Variants in AKT3 observed in about 807,000 individuals in gnomAD.
AKT3 encodes RAC-gamma serine/threonine-protein kinase.
A neutral mutation model predicts 65.3 loss-of-function variants in AKT3; 15 were observed. That is an observed-to-expected ratio of 0.23 (90% CI 0.15 to 0.35). AKT3 has a LOEUF of 0.35. AKT3 is among the 10% of genes least tolerant of loss of function. The pLI is 1.00. For missense variants in AKT3, 243 were observed against 576.5 expected, an observed-to-expected ratio of 0.42 and a Z score of 5.92; for synonymous variants, 206 against 183.8, an observed-to-expected ratio of 1.12 and a Z score of -0.98.
intron 13 of AKT3, among the ~76,000 whole-genome samples, chr1:243,508,423 G>A (rs1038172666): frequency 6.6e-6 from 1 of 152,176 alleles, no homozygotes; most frequent in Non-Finnish European, 1.5e-5. Flanking sequence ...CAGATGCGTC[G>A]ATGCTAGTCT....
At chr1:243,643,650 C>G (rs183319659) in intron 5 of AKT3, among the ~76,000 whole-genome samples, 1 of 152,328 alleles carries the variant, frequency 6.6e-6, no homozygotes, top group Admixed American at 6.5e-5. Context: ...AGAGCAGACA[C>G]TGTGGCGATA....
intron 3 of AKT3, among the ~76,000 whole-genome samples, chr1:243,694,550 C>T (rs1684935284): frequency 6.6e-6 from 1 of 151,206 alleles, no homozygotes; most frequent in African/African-American, 2.4e-5. Flanking sequence ...AGTTAGTATC[C>T]ATATCGTTCA....
intron 2 of AKT3, among the ~76,000 whole-genome samples, chr1:243,768,781 G>T (rs1689986710): frequency 1.4e-5 from 2 of 147,280 alleles, no homozygotes; most frequent in Admixed American, 1.4e-4. Context: ...GTTGCAGTGA[G>T]CAAAGATCAC....
chr1:243,536,261 G>A (rs1300861694), intron 12 of AKT3, among the ~76,000 whole-genome samples: 4 of 151,984 alleles, frequency 2.6e-5, no homozygotes, highest in African/African-American at 7.3e-5. Context: ...TGTTTTTACT[G>A]TATTTGCTTT....
At chr1:243,776,569 A>G (rs956376116) in intron 2 of AKT3, among the ~76,000 whole-genome samples, 2 of 152,214 alleles carry the variant, frequency 1.3e-5, no homozygotes, top group African/African-American at 4.8e-5. Context: ...TCAAACATCC[A>G]GCCTCCAGAA....
intron 2 of AKT3, among the ~76,000 whole-genome samples, chr1:243,838,080 G>A (rs1174368775): frequency 6.6e-6 from 1 of 152,148 alleles, no homozygotes; most frequent in African/African-American, 2.4e-5. Flanking sequence ...GAGCAAGTGT[G>A]TGTGTAACAG....
chr1:243,835,075 T>C lies in AKT3; in HGVS notation c.46+8050A>G, dbSNP rs760717804. ...GACTGTAATAAATTAAGAATGAATATTGTAATCTCAAGAATAGAGTTCCTC... is the reference window on the plus strand; with the variant it reads ...GACTGTAATAAATTAAGAATGAATACTGTAATCTCAAGAATAGAGTTCCTC... On this transcript the variant is annotated intron_variant, in intron 2 of 13. Coordinates refer to ENST00000673466, the MANE Select transcript of AKT3 (RefSeq NM_005465.7). Among the ~76,000 whole-genome samples the C allele has an allele frequency of 1.6e-4, 24 of 152,138 alleles. 1 individual carries two copies. Among genetic ancestry groups the C allele is most frequent in the Non-Finnish European group, 3.2e-4 (22 of 68,032 alleles).
intron 2 of AKT3, among the ~76,000 whole-genome samples, chr1:243,795,437 C>T (rs1691894665): frequency 6.8e-6 from 1 of 146,688 alleles, no homozygotes; most frequent in Admixed American, 6.8e-5. Context: ...GTAGGTTTCC[C>T]TTGATCTCCT....
intron 6 of AKT3, among the ~76,000 whole-genome samples, chr1:243,617,202 C>G (rs562028901): frequency 1.7e-4 from 20 of 116,114 alleles, no homozygotes; most frequent in African/African-American, 3.3e-4. Flanking sequence ...TCTGGGTATT[C>G]GTCTGCACAT....
chr1:243,779,728 AAG>A (rs1375266387), intron 2 of AKT3, among the ~76,000 whole-genome samples: 2 of 152,102 alleles, frequency 1.3e-5, no homozygotes, highest in Non-Finnish European at 2.9e-5. Flanking sequence ...ATTTTCCACT[AAG>A]AAGAACCAGA....
At chr1:243,492,118 T>C (rs1666578492) in intron 13 of AKT3, among the ~76,000 whole-genome samples, 1 of 151,730 alleles carries the variant, frequency 6.6e-6, no homozygotes, top group South Asian at 2.1e-4. Flanking sequence ...TTCTAATTGT[T>C]TCTGCTTGAA....
intron 2 of AKT3, among the ~76,000 whole-genome samples, chr1:243,751,161 ACT>A (rs1222814831): frequency 6.6e-6 from 1 of 152,092 alleles, no homozygotes; most frequent in African/African-American, 2.4e-5. Flanking sequence ...AAAAAAAAAG[ACT>A]CTGAAAGAGA....
intron 3 of AKT3, 29 bp downstream of exon 3, chr1:243,695,562 A>C: frequency 1.3e-6 from 2 of 1,547,082 alleles, no homozygotes; most frequent in Non-Finnish European, 1.8e-6. Flanking sequence ...AATAAATACA[A>C]GATGAATCAA....
chr1:243,762,298 AAT>A (rs1689540645), intron 2 of AKT3, among the ~76,000 whole-genome samples: 1 of 152,068 alleles, frequency 6.6e-6, no homozygotes, highest in Non-Finnish European at 1.5e-5. Flanking sequence ...TTTGCTATGT[AAT>A]ATGTTTATTA....
chr1:243,771,154 C>A (rs1402545540), intron 2 of AKT3, among the ~76,000 whole-genome samples: 7 of 152,138 alleles, frequency 4.6e-5, no homozygotes, highest in Admixed American at 4.6e-4. Flanking sequence ...AATATTTAAG[C>A]CTCAGTTGAA....
intron 12 of AKT3, among the ~76,000 whole-genome samples, chr1:243,513,462 T>C (rs748659282): frequency 1.3e-5 from 2 of 152,148 alleles, no homozygotes; most frequent in Non-Finnish European, 2.9e-5. Context: ...AAATACACAA[T>C]TGGCTTGAGA....
At chr1:243,841,911 T>TA (rs763153430) in intron 2 of AKT3, among the ~76,000 whole-genome samples, 124 of 152,148 alleles carry the variant, frequency 8.1e-4, no homozygotes, top group South Asian at 1.5e-3. Context: ...AAATCAGCCA[T>TA]AAAAAAACTA....
chr1:243,618,683 T>C (rs1232742625), intron 6 of AKT3, among the ~76,000 whole-genome samples: 1 of 152,144 alleles, frequency 6.6e-6, no homozygotes, highest in African/African-American at 2.4e-5. Context: ...TCTAATTTCT[T>C]TCATAGAAGA....
chr1:243,747,278 GAACA>G (rs1688531811), intron 2 of AKT3, among the ~76,000 whole-genome samples: 1 of 152,058 alleles, frequency 6.6e-6, no homozygotes, highest in Non-Finnish European at 1.5e-5. Context: ...CTTTTTCCAA[GAACA>G]AACAAAAATG....
Sources: gnomAD v4.1 joint callset for allele counts (sites outside exome capture counted in the v4.1 genomes callset) on GRCh38, gnomAD v4.1.1 for gene constraint, MANE v1.5 for transcripts, NCBI Gene and HGNC (gene_info 2026-07-23, HGNC 2026-07-21) for gene names.